The following SRGAP2 variants were observed in gnomAD, a reference collection of about 807,000 sequenced individuals.
The protein encoded by SRGAP2 is SLIT-ROBO Rho GTPase-activating protein 2.
SRGAP2 carries 15 observed loss-of-function variants against 57.2 expected under a neutral mutation model. That is an observed-to-expected ratio of 0.26 (90% CI 0.18 to 0.40). The LOEUF (loss-of-function observed/expected upper bound fraction) is 0.40, where lower values mean the gene tolerates loss of function less well. Ranked by LOEUF, SRGAP2 falls within the 10% of genes least tolerant of loss-of-function variation. The pLI, the probability that SRGAP2 is intolerant of heterozygous loss-of-function variation, is 1.00. For missense variants in SRGAP2, 520 were observed against 669.6 expected (o/e 0.78, Z 2.47); for synonymous variants, 249 against 248.0 (o/e 1.00, Z -0.04).
intron 18 of SRGAP2, 68 bp downstream of exon 18, chr1:206,446,367 C>T: frequency 1.3e-6 from 1 of 761,582 alleles, no homozygotes; most frequent in Non-Finnish European, 2.4e-6. Flanking sequence ...AGCCAGATGG[C>T]CACACGAAAA....
At chr1:206,389,262 C>T (rs1656665593) in intron 5 of SRGAP2, among the ~76,000 whole-genome samples, 2 of 145,926 alleles carry the variant, frequency 1.4e-5, no homozygotes. Flanking sequence ...GCAAGCTCCA[C>T]CTCCCAGGTT....
chr1:206,384,667 G>T (rs1553347937), intron 5 of SRGAP2, among the ~76,000 whole-genome samples: 2 of 151,748 alleles, frequency 1.3e-5, no homozygotes. Flanking sequence ...AACACAATCT[G>T]TTCTGAGATG....
chr1:206,262,881 G>GT (rs564766960), intron 2 of SRGAP2, among the ~76,000 whole-genome samples: 10,030 of 63,532 alleles, frequency 0.16, 2,189 homozygotes, highest in African/African-American at 0.42. Flanking sequence ...CGTGGGTTTT[G>GT]TTTTTTTTTT....
chr1:206,445,717 C>T (rs1258968811), intron 17 of SRGAP2, among the ~76,000 whole-genome samples: 1 of 152,148 alleles, frequency 6.6e-6, no homozygotes, highest in Non-Finnish European at 1.5e-5. Context: ...TGTGTAGCAG[C>T]CATATTCAGC....
At chr1:206,322,575 A>G (rs1348903683) in intron 3 of SRGAP2, among the ~76,000 whole-genome samples, 1 of 124,448 alleles carries the variant, frequency 8.0e-6, no homozygotes, top group African/African-American at 3.6e-5. Flanking sequence ...CCGAGACTCC[A>G]TATCAAAAAA....
chr1:206,455,134 TCCCCCAGCC>T, intron 21 of SRGAP2, 110 bp downstream of exon 21: 1 of 763,458 alleles, frequency 1.3e-6, no homozygotes, highest in Non-Finnish European at 2.4e-6. Flanking sequence ...GGCTCCCAGC[TCCCCCAGCC>T]TAACAGTTTG....
intron 14 of SRGAP2, among the ~76,000 whole-genome samples, chr1:206,434,064 G>A (rs563484723): frequency 7.2e-5 from 11 of 152,276 alleles, no homozygotes; most frequent in African/African-American, 2.4e-4. Context: ...TTGTGTATAG[G>A]CATCTAATGA....
At chr1:206,347,532 A>T (rs1194617957) in intron 4 of SRGAP2, among the ~76,000 whole-genome samples, 14 of 150,522 alleles carry the variant, frequency 9.3e-5, no homozygotes, top group Non-Finnish European at 1.9e-4. Flanking sequence ...AGCAGAGATC[A>T]TGCTGTTGCA....
intron 4 of SRGAP2, among the ~76,000 whole-genome samples, chr1:206,375,426 G>A (rs1655107385): frequency 6.6e-6 from 1 of 152,054 alleles, no homozygotes; most frequent in Admixed American, 6.5e-5. Context: ...AGGGCCTGAA[G>A]ACATTACGCC....
chr1:206,257,763 A>G (rs773685790), intron 2 of SRGAP2, among the ~76,000 whole-genome samples: 312 of 125,394 alleles, frequency 2.5e-3, no homozygotes, highest in South Asian at 4.3e-3. Flanking sequence ...TATACTATAT[A>G]TATACATGCA....
Position 206,378,966 on chromosome 1 carries a change from G to A in SRGAP2, c.424-5048G>A, listed in dbSNP as rs1269299636. Reference sequence around the variant, plus strand: ...GTCTACCTATCTTCAGAAGGCAAAAGCACCTCTGGTGTCCCTGTTGTGGTA... The same window carrying A: ...GTCTACCTATCTTCAGAAGGCAAAAACACCTCTGGTGTCCCTGTTGTGGTA... On this transcript the variant is annotated intron_variant, in intron 4 of 22. Transcript: ENST00000573034. 2.3e-4 allele frequency among the ~76,000 whole-genome samples: 35 copies of A among 151,676 alleles called. 1 individual carries two copies. The highest frequency in any genetic ancestry group is 8.2e-4 in the African/African-American group (34 of 41,230).
chr1:206,452,297 C>A (rs1346800259), intron 19 of SRGAP2, among the ~76,000 whole-genome samples: 2 of 152,034 alleles, frequency 1.3e-5, no homozygotes, highest in African/African-American at 4.8e-5. Context: ...GCATTTTTTT[C>A]ATAGGTTGGT....
chr1:206,362,809 C>T (rs1261981290), intron 4 of SRGAP2, among the ~76,000 whole-genome samples: 33 of 151,600 alleles, frequency 2.2e-4, no homozygotes, highest in South Asian at 6.3e-4. Flanking sequence ...CAGTATGTTT[C>T]CTCAATACAC....
chr1:206,425,679 C>G (rs1022175619), intron 13 of SRGAP2, among the ~76,000 whole-genome samples: 1 of 152,066 alleles, frequency 6.6e-6, no homozygotes, highest in Non-Finnish European at 1.5e-5. Context: ...GGATTACAGG[C>G]GCGCACCACA....
chr1:206,421,063 T>A (rs1660260739), intron 12 of SRGAP2, among the ~76,000 whole-genome samples, 187 bp from the exon 13 acceptor site: 1 of 152,232 alleles, frequency 6.6e-6, no homozygotes, highest in Non-Finnish European at 1.5e-5. Context: ...ATCAAGTTTC[T>A]TAGCCATTTC....
intron 3 of SRGAP2, among the ~76,000 whole-genome samples, chr1:206,307,859 G>A (rs1391160850): frequency 7.9e-5 from 12 of 152,132 alleles, no homozygotes. Flanking sequence ...TGCAAGCTGA[G>A]GGAGTGGGCT....
chr1:206,418,908 G>GTGTA (rs1362175759), intron 11 of SRGAP2, among the ~76,000 whole-genome samples: 34 of 151,536 alleles, frequency 2.2e-4, no homozygotes, highest in Admixed American at 2.2e-3. Context: ...GTGTGTGTGT[G>GTGTA]TGTGTGTGTG....
chr1:206,386,922 A>G (rs1656337333), intron 5 of SRGAP2, among the ~76,000 whole-genome samples: 1 of 151,878 alleles, frequency 6.6e-6, no homozygotes, highest in African/African-American at 2.4e-5. Context: ...CAGGAGATCG[A>G]GACCATCCTG....
intron 3 of SRGAP2, among the ~76,000 whole-genome samples, chr1:206,341,387 A>C (rs1404241435): frequency 1.3e-5 from 2 of 152,112 alleles, no homozygotes; most frequent in African/African-American, 4.8e-5. Context: ...GCTTGGTTTG[A>C]ATTCTGGAAT....
Sources: gnomAD v4.1 joint callset for allele counts (sites outside exome capture counted in the v4.1 genomes callset) on GRCh38, gnomAD v4.1.1 for gene constraint, MANE v1.5 for transcripts, NCBI Gene and HGNC (gene_info 2026-07-23, HGNC 2026-07-21) for gene names.